Variants in FAM120B observed in about 807,000 individuals in gnomAD.
The protein encoded by FAM120B is constitutive coactivator of peroxisome proliferator-activated receptor gamma.
In FAM120B, 83 loss-of-function variants were observed where a neutral mutation model predicts 96.3. The ratio of observed to expected loss-of-function variants is 0.86; its 90% CI spans 0.72 to 1.03. The LOEUF is 1.03. Ranked by LOEUF, FAM120B falls within the 50% of genes least tolerant of loss-of-function variation. The pLI is 0.00. For synonymous variants in FAM120B, 407 were observed against 402.7 expected (o/e 1.01, Z -0.13); for missense variants, 1,027 against 1,121.2 (o/e 0.92, Z 1.20).
intron 6 of FAM120B, among the ~76,000 whole-genome samples, chr6:170,367,291 A>G (rs1374039697): frequency 1.3e-5 from 2 of 152,276 alleles, no homozygotes; most frequent in Non-Finnish European, 2.9e-5. Context: ...CGCCACCAGC[A>G]TGTAGTGAAG....
intron 6 of FAM120B, among the ~76,000 whole-genome samples, chr6:170,371,897 C>T (rs981656813): frequency 2.7e-4 from 41 of 152,176 alleles, no homozygotes; most frequent in African/African-American, 9.7e-4. Context: ...ACCAAATAAC[C>T]GAGGGCCTGG....
Position 170,388,460 on chromosome 6 carries a change from G to A in FAM120B, c.2457G>A (p.Lys819=). 6.2e-7 allele frequency: 1 copy of A among 1,614,156 alleles called. No homozygotes were observed. The highest frequency in any genetic ancestry group is 8.5e-7 in the Non-Finnish European group (1 of 1,180,026). ...ATCAGAAGTACTTGCAATCTGAAAA[G>A]GGTTATGCTGTGGAGGTTCTTTTAG... ...LFHQKYLQSE[K]GYAVEVLLEQ... is the part of the protein sequence containing the mutation. Residue 819 remains lysine (K), a synonymous_variant, in exon 7 of 11, where the codon AAG becomes AAA. Coordinates refer to ENST00000476287, the MANE Select transcript of FAM120B (RefSeq NM_032448.3).
intron 8 of FAM120B, among the ~76,000 whole-genome samples, chr6:170,393,596 C>T (rs372926078): frequency 2.0e-5 from 3 of 152,184 alleles, no homozygotes; most frequent in Admixed American, 6.5e-5. Flanking sequence ...AAGATCATTT[C>T]GTGATTTGGA....
rs771591142 is a variant in FAM120B at position 170,388,353 on chromosome 6, G to A, written c.2350G>A (p.Val784Ile). Residue 784 changes from valine (V) to isoleucine (I), a missense_variant, in exon 7 of 11, where the codon GTT becomes ATT. Physicochemically the swap from Val to Ile is conservative, Grantham distance 29. Around this residue, in one of 3 missense-constraint regions of FAM120B, gnomAD observed 880 missense variants for 980.9 expected, o/e 0.90. Coordinates refer to ENST00000476287, the MANE Select transcript of FAM120B (RefSeq NM_032448.3). ...SLLVRGLTTL[V>I]LVNSACGFPW... ...TCTCGTCCGCGGCCTCACCACTCTG[G>A]TTTTAGTCAACAGCGCATGTGGCTT... 35 of 1,614,062 alleles carry A rather than the reference G, an allele frequency of 2.2e-5. No individual in the cohort carries two copies. The highest frequency in any genetic ancestry group is 2.9e-5 in the Non-Finnish European group (34 of 1,180,048).
At chr6:170,327,692 TACACC>T (rs1785693738) in intron 3 of FAM120B, among the ~76,000 whole-genome samples, 4 of 135,696 alleles carry the variant, frequency 2.9e-5, no homozygotes, top group Admixed American at 7.3e-5. Flanking sequence ...GACATGACCA[TACACC>T]GCTGTAGGCT....
At chr6:170,311,390 C>T (rs1409656907) in intron 1 of FAM120B, among the ~76,000 whole-genome samples, 1 of 152,200 alleles carries the variant, frequency 6.6e-6, no homozygotes, top group African/African-American at 2.4e-5. Context: ...CATTTCTACA[C>T]TTGATGAACA....
At chr6:170,338,489 G>A (rs1035422567) in intron 4 of FAM120B, among the ~76,000 whole-genome samples, 1 of 152,198 alleles carries the variant, frequency 6.6e-6, no homozygotes, top group South Asian at 2.1e-4. Context: ...GTCTGGTGCT[G>A]AGAAGAATGT....
Position 170,301,491 on chromosome 6 carries a change from A to G in FAM120B, c.48+6038A>G, listed in dbSNP as rs1397135561. 3.3e-5 allele frequency among the ~76,000 whole-genome samples: 5 copies of G among 151,708 alleles called. No homozygotes were observed. In the East Asian group the frequency reaches 7.8e-4, roughly 24 times the overall value. On this transcript the variant is annotated intron_variant, in intron 1 of 10. Transcript: ENST00000537664. ...ATTTTCCCCACTGTTTTAGTGATTA[A>G]CATTCTTCTTCTCATTGCTTATGCA...
chr6:170,305,383 T>C (rs1784246838), upstream of FAM120B, among the ~76,000 whole-genome samples: 1 of 152,198 alleles, frequency 6.6e-6, no homozygotes. Context: ...GAAAAGCCCA[T>C]CAGGAAACGT....
upstream of FAM120B, among the ~76,000 whole-genome samples, chr6:170,303,381 A>G (rs982362091): frequency 6.6e-6 from 1 of 152,172 alleles, no homozygotes; most frequent in Admixed American, 6.5e-5. Context: ...CTGGGACTAC[A>G]GGTGCATGCC....
chr6:170,319,389 G>A (rs575144407), intron 2 of FAM120B, among the ~76,000 whole-genome samples: 5 of 152,284 alleles, frequency 3.3e-5, no homozygotes, highest in African/African-American at 7.2e-5. Flanking sequence ...GGAGAAGGCC[G>A]GGCGTGGTGG....
intron 6 of FAM120B, among the ~76,000 whole-genome samples, chr6:170,358,823 C>T (rs1413798825): frequency 6.6e-6 from 1 of 152,130 alleles, no homozygotes; most frequent in African/African-American, 2.4e-5. Context: ...ACATGCCCTC[C>T]GGGAGTGCTT....
chr6:170,311,232 C>G (rs10946256), intron 1 of FAM120B, among the ~76,000 whole-genome samples: 21,994 of 152,180 alleles, frequency 0.14, 1,991 homozygotes, highest in Non-Finnish European at 0.2. Flanking sequence ...TTAGTGACAT[C>G]TTGTTTCCCT....
intron 6 of FAM120B, among the ~76,000 whole-genome samples, chr6:170,377,015 G>A (rs555878712): frequency 3.4e-5 from 5 of 145,174 alleles, no homozygotes; most frequent in Admixed American, 6.8e-5. Flanking sequence ...GGAGAACACA[G>A]GCTCACGCTG....
At chr6:170,341,309 G>T (rs552742452) in intron 4 of FAM120B, among the ~76,000 whole-genome samples, 1 of 152,138 alleles carries the variant, frequency 6.6e-6, no homozygotes, top group South Asian at 2.1e-4. Context: ...TGGGAAAACC[G>T]CCTACCAATC....
chr6:170,304,891 A>G (rs1316106390), upstream of FAM120B, among the ~76,000 whole-genome samples: 1 of 152,162 alleles, frequency 6.6e-6, no homozygotes, highest in Admixed American at 6.5e-5. Flanking sequence ...GCAAAGTACC[A>G]TAGACTGGGT....
intron 4 of FAM120B, among the ~76,000 whole-genome samples, chr6:170,339,157 TCTTTC>T (rs974847175): frequency 2.6e-5 from 4 of 152,200 alleles, no homozygotes; most frequent in African/African-American, 4.8e-5. Flanking sequence ...ACCAGTTTTT[TCTTTC>T]CTTATTTAGT....
At chr6:170,352,016 C>A (rs1787612297) in intron 5 of FAM120B, among the ~76,000 whole-genome samples, 1 of 152,196 alleles carries the variant, frequency 6.6e-6, no homozygotes, top group Non-Finnish European at 1.5e-5. Context: ...AGAGCCATGA[C>A]CCATCCATAT....
At chr6:170,314,539 CTAGA>C (rs967080232) in intron 1 of FAM120B, among the ~76,000 whole-genome samples, 2 of 152,124 alleles carry the variant, frequency 1.3e-5, no homozygotes, top group African/African-American at 4.8e-5. Flanking sequence ...CAACTATTAC[CTAGA>C]TAATGAAAAT....
Sources: allele counts gnomAD v4.1 joint callset (sites outside exome capture counted in the v4.1 genomes callset), GRCh38; gene constraint gnomAD v4.1.1; regional missense constraint gnomAD v4.1.1; transcripts MANE v1.5; gene names NCBI Gene and HGNC (gene_info 2026-07-23, HGNC 2026-07-21).